Variants in CACNA2D3 observed in about 807,000 individuals in gnomAD.
CACNA2D3 encodes voltage-dependent calcium channel subunit alpha-2/delta-3.
In CACNA2D3, 60 loss-of-function variants were observed where a neutral mutation model predicts 160.6. The observed-to-expected ratio is 0.37, with a 90% CI of 0.30 to 0.46. CACNA2D3 has a LOEUF of 0.46. Among genes scored for constraint, CACNA2D3 ranks in the 20% least tolerant of loss-of-function variants. CACNA2D3 has a pLI of 1.00. For synonymous variants in CACNA2D3, 558 were observed against 492.9 expected, an observed-to-expected ratio of 1.13 and a Z score of -1.75; for missense variants, 1,205 against 1,365.0, an observed-to-expected ratio of 0.88 and a Z score of 1.85.
At chr3:54,304,913 C>CT (rs112754601) in intron 2 of CACNA2D3, among the ~76,000 whole-genome samples, 3,148 of 147,300 alleles carry the variant, frequency 0.021, 104 homozygotes, top group African/African-American at 0.072. Flanking sequence ...ATCTTTTGCT[C>CT]TTTTTTTTTT....
intron 2 of CACNA2D3, among the ~76,000 whole-genome samples, chr3:54,231,224 C>CT (rs1156686210): frequency 2.0e-5 from 3 of 152,134 alleles, no homozygotes; most frequent in African/African-American, 4.8e-5. Context: ...TGCCGCATGT[C>CT]TGAGTGTTTC....
At chr3:54,794,683 A>C (rs1702832313) in intron 13 of CACNA2D3, among the ~76,000 whole-genome samples, 1 of 148,780 alleles carries the variant, frequency 6.7e-6, no homozygotes, top group Non-Finnish European at 1.5e-5. Context: ...ACAGAATTCT[A>C]GTTTACAGTT....
chr3:54,450,639 C>T (rs1343172461), intron 4 of CACNA2D3, among the ~76,000 whole-genome samples: 1 of 152,134 alleles, frequency 6.6e-6, no homozygotes, highest in East Asian at 1.9e-4. Flanking sequence ...CCCTCTCTCT[C>T]TTGCTTCCTC....
rs550761092 is a variant in CACNA2D3, at chr3:54,957,706, G to A, written c.2450-10744G>A. Among the ~76,000 whole-genome samples the A allele has an allele frequency of 2.0e-5, 3 of 151,866 alleles. No individual in the cohort carries two copies. In the East Asian group the frequency reaches 5.8e-4, roughly 29 times the overall value. On this transcript the variant is annotated intron_variant, in intron 27 of 37. Transcript: ENST00000474759. Reference sequence around the variant, plus strand: ...TTCCAGGCCCCACCCAGTCAGGAGGGTTAGAAACAAGATCACACCTCTCCA... The same window carrying A: ...TTCCAGGCCCCACCCAGTCAGGAGGATTAGAAACAAGATCACACCTCTCCA...
In CACNA2D3 at chr3:54,375,124, A is replaced by G. The variant is rs148178316; in HGVS notation, c.322-11591A>G. On this transcript the variant is annotated intron_variant, in intron 3 of 37. Transcript: ENST00000474759. ...TGTAGATGAGAAGGCTTCTTGTACC[A>G]TACGTGAGGAGCCTCCTTGTACCCC... 5.6e-3 allele frequency among the ~76,000 whole-genome samples: 845 copies of G among 152,186 alleles called. 7 individuals carry two copies. Among genetic ancestry groups the G allele is most frequent in the African/African-American group, 0.019 (787 of 41,516 alleles).
intron 10 of CACNA2D3, among the ~76,000 whole-genome samples, chr3:54,628,250 A>G (rs977433986): frequency 6.6e-6 from 1 of 152,194 alleles, no homozygotes; most frequent in Non-Finnish European, 1.5e-5. Flanking sequence ...AAAGAAAAAA[A>G]TTGTGGGCCA....
At chr3:54,403,385 A>ACACACACACACG (rs1377791801) in intron 4 of CACNA2D3, among the ~76,000 whole-genome samples, 2 of 151,592 alleles carry the variant, frequency 1.3e-5, no homozygotes, top group African/African-American at 4.9e-5. Context: ...ACACACACAC[A>ACACACACACACG]CACACACACA....
At chr3:54,237,537 T>C (rs1701906550) in intron 2 of CACNA2D3, among the ~76,000 whole-genome samples, 1 of 152,216 alleles carries the variant, frequency 6.6e-6, no homozygotes, top group Non-Finnish European at 1.5e-5. Flanking sequence ...ATTTACACGG[T>C]AAAGATTAAT....
At position 54,683,962 on chromosome 3, in the gene CACNA2D3, CTTTT is replaced by C. The variant is rs61481695; in HGVS notation, c.1167+41743_1167+41746del. Among the ~76,000 whole-genome samples the C allele has an allele frequency of 4.0e-3, 439 of 110,800 alleles. 4 individuals carry two copies. The highest frequency in any genetic ancestry group is 0.018 in the African/African-American group (415 of 23,202). 72.7% of individuals were successfully genotyped at this position (110,800 alleles called of 152,430 possible). A position where few individuals can be genotyped will look rare whatever the true frequency, so the allele number is the denominator to read the frequency against. ...TGTGTGTCTGTGCCCAAATTTCCACCTTTTTTTTTTTTTTTTTTTTTTTTTGAGA... is the reference window on the plus strand; with the variant it reads ...TGTGTGTCTGTGCCCAAATTTCCACCTTTTTTTTTTTTTTTTTTTTTGAGA... On this transcript the variant is annotated intron_variant, in intron 11 of 37. Transcript: ENST00000474759.
intron 2 of CACNA2D3, among the ~76,000 whole-genome samples, chr3:54,203,775 C>T (rs1010165068): frequency 3.9e-5 from 6 of 152,054 alleles, no homozygotes; most frequent in Non-Finnish European, 7.4e-5. Flanking sequence ...GATGTCCTCT[C>T]GCTGTCCGGC....
intron 31 of CACNA2D3, among the ~76,000 whole-genome samples, chr3:54,998,438 A>G (rs891306917): frequency 4.6e-5 from 7 of 152,116 alleles, no homozygotes; most frequent in African/African-American, 9.7e-5. Context: ...CTGGCCTTTA[A>G]TCAATTAATT....
chr3:55,071,669 A>T (rs1704812807), intron 35 of CACNA2D3, among the ~76,000 whole-genome samples: 1 of 151,630 alleles, frequency 6.6e-6, no homozygotes, highest in African/African-American at 2.4e-5. Context: ...ATCTTTGATG[A>T]TTGATGATAG....
At chr3:54,866,602 G>A (rs1699406266) in intron 17 of CACNA2D3, among the ~76,000 whole-genome samples, 1 of 152,214 alleles carries the variant, frequency 6.6e-6, no homozygotes, top group Admixed American at 6.5e-5. Flanking sequence ...GTTCCACAGA[G>A]GCTGCATGGA....
intron 35 of CACNA2D3, among the ~76,000 whole-genome samples, chr3:55,057,795 C>G (rs1654612157): frequency 6.6e-6 from 1 of 152,068 alleles, no homozygotes; most frequent in Admixed American, 6.5e-5. Context: ...TATTGATATT[C>G]TTTGTGTGGA....
chr3:54,690,156 A>G (rs1003021319), intron 11 of CACNA2D3, among the ~76,000 whole-genome samples: 3 of 151,970 alleles, frequency 2.0e-5, no homozygotes, highest in African/African-American at 7.2e-5. Flanking sequence ...TACCATGATG[A>G]CCCACCACGC....
chr3:54,743,962 C>T (rs1701701324), intron 11 of CACNA2D3, among the ~76,000 whole-genome samples: 1 of 152,198 alleles, frequency 6.6e-6, no homozygotes, highest in Non-Finnish European at 1.5e-5. Flanking sequence ...CTGGATTCTA[C>T]AGACTCAGTT....
chr3:54,234,126 T>C (rs765489226), intron 2 of CACNA2D3, among the ~76,000 whole-genome samples: 1 of 152,188 alleles, frequency 6.6e-6, no homozygotes, highest in African/African-American at 2.4e-5. Context: ...GACAAAAGTC[T>C]AATATCCAGC....
At chr3:54,325,630 A>T (rs1266260187) in intron 3 of CACNA2D3, among the ~76,000 whole-genome samples, 6 of 152,188 alleles carry the variant, frequency 3.9e-5, no homozygotes, top group Non-Finnish European at 7.3e-5. Context: ...CAGAGCGGGA[A>T]GGAGCACTGG....
At chr3:54,694,051 TC>T (rs1700616530) in intron 11 of CACNA2D3, among the ~76,000 whole-genome samples, 1 of 152,186 alleles carries the variant, frequency 6.6e-6, no homozygotes, top group African/African-American at 2.4e-5. Context: ...TCCTAGGCCT[TC>T]ACATTCACTC....
Sources: allele counts gnomAD v4.1 joint callset (sites outside exome capture counted in the v4.1 genomes callset), GRCh38; gene constraint gnomAD v4.1.1; transcripts MANE v1.5; gene names NCBI Gene and HGNC (gene_info 2026-07-23, HGNC 2026-07-21).